The following SWAP70 variants were observed in gnomAD, a reference collection of about 807,000 sequenced individuals.
SWAP70 encodes the protein switching B cell complex subunit SWAP70.
SWAP70 carries 34 observed loss-of-function variants against 80.2 expected under a neutral mutation model. The observed-to-expected ratio is 0.42, with a 90% CI of 0.32 to 0.56. The LOEUF (loss-of-function observed/expected upper bound fraction) is 0.56. SWAP70 is among the 20% of genes least tolerant of loss of function. SWAP70 has a pLI of 0.09. For missense variants in SWAP70, 578 were observed against 690.7 expected (o/e 0.84, Z 1.83); for synonymous variants, 239 against 238.5 (o/e 1.00, Z -0.02).
chr11:9,704,444 G>T (rs1850873972), intron 2 of SWAP70, among the ~76,000 whole-genome samples: 1 of 151,634 alleles, frequency 6.6e-6, no homozygotes, highest in South Asian at 2.1e-4. Context: ...GCCCAGGCTG[G>T]AGTGCAATGG....
chr11:9,697,541 C>T (rs1044024582), intron 2 of SWAP70, among the ~76,000 whole-genome samples: 3 of 152,134 alleles, frequency 2.0e-5, no homozygotes, highest in African/African-American at 7.2e-5. Context: ...CCTCGGCCTC[C>T]CAAAGTGCTG....
intron 4 of SWAP70, 84 bp downstream of exon 4, chr11:9,724,969 A>G (rs1297999618): frequency 1.0e-6 from 1 of 995,206 alleles, no homozygotes; most frequent in Non-Finnish European, 1.5e-6. Flanking sequence ...AGATGAGTAT[A>G]AGTCACTTAT....
chr11:9,729,834 A>C (rs1851273943), intron 6 of SWAP70, among the ~76,000 whole-genome samples: 1 of 152,202 alleles, frequency 6.6e-6, no homozygotes, highest in Non-Finnish European at 1.5e-5. Flanking sequence ...GAAGGATGCT[A>C]AGGCGTTACT....
intron 9 of SWAP70, among the ~76,000 whole-genome samples, chr11:9,746,857 A>G (rs959963537): frequency 6.6e-6 from 1 of 152,270 alleles, no homozygotes; most frequent in Non-Finnish European, 1.5e-5. Context: ...GCTGAGTTGA[A>G]TAACAACCTT....
rs145134422 is a variant in SWAP70 at position 9,693,772 on chromosome 11, C to T, written c.100-374C>T. The stretch of plus-strand genomic sequence containing the variant: ...TCTCTGAACAGCTCTAATTGGCTGA[C>T]TCTGCTCTACTTGGTGAAAAGTTTA... On this transcript the variant is annotated intron_variant, in intron 1 of 11. Coordinates refer to ENST00000318950, the MANE Select transcript of SWAP70 (RefSeq NM_015055.4). 3.3e-5 allele frequency among the ~76,000 whole-genome samples: 5 copies of T among 152,202 alleles called. No homozygotes were observed. In the South Asian group the frequency reaches 6.2e-4, roughly 19 times the overall value.
intron 1 of SWAP70, among the ~76,000 whole-genome samples, chr11:9,680,633 G>A (rs1565113502): frequency 6.6e-6 from 1 of 151,968 alleles, no homozygotes; most frequent in Non-Finnish European, 1.5e-5. Flanking sequence ...CCAGGCTGGT[G>A]TCGAACTCCT....
chr11:9,740,462 C>G (rs1204867623), intron 9 of SWAP70, 115 bp downstream of exon 9: 3 of 1,112,836 alleles, frequency 2.7e-6, no homozygotes, highest in Non-Finnish European at 4.1e-6. Flanking sequence ...CTGGCTGTGA[C>G]TGAGCTCGAG....
At chr11:9,727,807 T>C (rs1327795843) in intron 4 of SWAP70, among the ~76,000 whole-genome samples, 4 of 152,248 alleles carry the variant, frequency 2.6e-5, no homozygotes, top group Non-Finnish European at 5.9e-5. Context: ...TTCTATTGTC[T>C]GCATATCACT....
intron 2 of SWAP70, among the ~76,000 whole-genome samples, chr11:9,695,738 TTTGTTG>T (rs558959426): frequency 6.6e-6 from 1 of 152,094 alleles, no homozygotes; most frequent in East Asian, 1.9e-4. Context: ...TCCGTTTTTT[TTTGTTG>T]TTGTTGTTGT....
chr11:9,675,360 A>C lies in SWAP70; in HGVS notation c.99+11082A>C, dbSNP rs1169679089. ...GAGAGAGGGAGCGAGAGAGAGAGAG[A>C]GAGAGAGAGAGAGAGAGAGAGAGAG... On this transcript the variant is annotated intron_variant, in intron 1 of 11. Coordinates refer to ENST00000318950, the MANE Select transcript of SWAP70 (RefSeq NM_015055.4). 1.8e-3 allele frequency among the ~76,000 whole-genome samples: 47 copies of C among 26,320 alleles called. 1 individual carries two copies. The highest frequency in any genetic ancestry group is 6.5e-3 in the African/African-American group (30 of 4,646). The allele number at this position is 26,320 out of a possible 152,430, so 17.3% of individuals were successfully genotyped here. A position where few individuals can be genotyped will look rare whatever the true frequency, so the allele number is the denominator to read the frequency against.
At chr11:9,711,446 T>C (rs934236769) in intron 2 of SWAP70, among the ~76,000 whole-genome samples, 1 of 152,190 alleles carries the variant, frequency 6.6e-6, no homozygotes, top group African/African-American at 2.4e-5. Context: ...ACTTTTTTCT[T>C]ACATTTGGGA....
At chr11:9,698,133 C>T (rs1391000998) in intron 2 of SWAP70, among the ~76,000 whole-genome samples, 3 of 143,262 alleles carry the variant, frequency 2.1e-5, no homozygotes, top group Non-Finnish European at 3.0e-5. Flanking sequence ...CCAGGTCTCG[C>T]TCTGTCACCC....
chr11:9,732,489 A>G (rs758930640), intron 6 of SWAP70, 40 bp from the exon 7 acceptor site: 4 of 1,555,006 alleles, frequency 2.6e-6, no homozygotes, highest in South Asian at 2.4e-5. Context: ...AGAATAAATA[A>G]TATCTCCCCA....
chr11:9,734,383 C>T lies in SWAP70; in HGVS notation c.1080+1673C>T, dbSNP rs190023231. Among the ~76,000 whole-genome samples, 6 of 152,216 alleles carry T rather than the reference C, an allele frequency of 3.9e-5. No homozygotes were observed. In the East Asian group the frequency reaches 1.2e-3, roughly 29 times the overall value. On this transcript the variant is annotated intron_variant, in intron 7 of 11. Coordinates refer to ENST00000318950, the MANE Select transcript of SWAP70 (RefSeq NM_015055.4). ...TTTTTAACTTTTAAACTCTGCCTTC[C>T]AGGAGCATGTAGTGTTCTGCTCTGT... is the stretch of plus-strand genomic sequence containing the variant.
Position 9,749,784 on chromosome 11 carries a change from A to G in SWAP70, c.1652-80A>G, listed in dbSNP as rs1390759394. 4.8e-6 allele frequency: 4 copies of G among 841,506 alleles called. No individual in the cohort carries two copies. In the East Asian group the frequency reaches 9.9e-5, roughly 21 times the overall value. 52.1% of individuals were successfully genotyped at this position (841,506 alleles called of 1,614,324 possible). On this transcript the variant is annotated intron_variant, in intron 11 of 11. Transcript: ENST00000318950. ...AAAGAAGAAATAAAGTAGGGAAGTT[A>G]CTATTTTGTCTGTAGAAAAATGATG... is the stretch of plus-strand genomic sequence containing the variant.
rs1224996768 is a variant in SWAP70 at position 9,694,211 on chromosome 11, C to T, written c.165C>T (p.His55=). ...ATGACCCAGTTGCCCTTGAAGAGCA[C>T]TTCAGGGATGATGATGAGGGTCCAG... ...VPHDPVALEE[H]FRDDDEGPVS... Residue 55 remains histidine, a synonymous_variant, in exon 2 of 12, where the codon CAC becomes CAT. Transcript: ENST00000318950. The T allele has an allele frequency of 3.7e-6, 6 of 1,613,184 alleles. No homozygotes were observed. In the African/African-American group the frequency reaches 6.7e-5, roughly 18 times the overall value.
intron 1 of SWAP70, among the ~76,000 whole-genome samples, chr11:9,671,881 A>T (rs1452057361): frequency 4.5e-4 from 39 of 86,988 alleles, no homozygotes; most frequent in African/African-American, 2.8e-3. Flanking sequence ...ATTTAAATAT[A>T]ATTTTAATTT....
At chr11:9,696,297 AAAG>A (rs1850756245) in intron 2 of SWAP70, among the ~76,000 whole-genome samples, 1 of 152,236 alleles carries the variant, frequency 6.6e-6, no homozygotes, top group African/African-American at 2.4e-5. Context: ...TGATGCAAGA[AAAG>A]ATGGTACATT....
At chr11:9,737,482 G>C (rs1451849840) in intron 7 of SWAP70, among the ~76,000 whole-genome samples, 1 of 152,118 alleles carries the variant, frequency 6.6e-6, no homozygotes, top group Non-Finnish European at 1.5e-5. Flanking sequence ...TGTTTTGTTG[G>C]GGAAAGGGTC....
Sources: gnomAD v4.1 joint callset for allele counts (sites outside exome capture counted in the v4.1 genomes callset) on GRCh38, gnomAD v4.1.1 for gene constraint, MANE v1.5 for transcripts, NCBI Gene and HGNC (gene_info 2026-07-23, HGNC 2026-07-21) for gene names.